CACNB2: variants seen among roughly 807,000 people sequenced by gnomAD.
CACNB2 encodes the protein calcium voltage-gated channel auxiliary subunit beta 2.
Under a neutral mutation model 73.3 loss-of-function variants are expected in CACNB2, and 42 were observed. That is an observed-to-expected ratio of 0.57 (90% CI 0.45 to 0.74). The LOEUF (loss-of-function observed/expected upper bound fraction) is 0.74. CACNB2 is among the 30% of genes least tolerant of loss of function. CACNB2 has a pLI of 0.00. For missense variants in CACNB2, 940 were observed against 853.0 expected (o/e 1.10, Z -1.27); for synonymous variants, 348 against 310.3 (o/e 1.12, Z -1.28).
intron 5 of CACNB2, 140 bp from the exon 6 acceptor site, chr10:18,506,331 G>A (rs2050488231): frequency 1.5e-6 from 1 of 673,794 alleles, no homozygotes; most frequent in South Asian, 1.6e-5. Context: ...TCTCCACTGG[G>A]AAATATTGTT....
At chr10:18,215,758 T>C (rs16917001) in intron 2 of CACNB2, among the ~76,000 whole-genome samples, 7,633 of 152,162 alleles carry the variant, frequency 0.05, 613 homozygotes, top group African/African-American at 0.17. Context: ...AGCAGACGGA[T>C]CTTTTTAGGA....
At chr10:18,213,030 C>A (rs1023849117) in intron 2 of CACNB2, among the ~76,000 whole-genome samples, 1 of 152,170 alleles carries the variant, frequency 6.6e-6, no homozygotes, top group East Asian at 1.9e-4. Context: ...AATAGAGGAT[C>A]CCATCTCTAC....
chr10:18,331,893 C>T (rs1349887709), intron 2 of CACNB2, among the ~76,000 whole-genome samples: 6 of 152,084 alleles, frequency 3.9e-5, no homozygotes, highest in Non-Finnish European at 5.9e-5. Context: ...GGCAGCCATG[C>T]AGGAGTTGAT....
chr10:18,524,838 A>C (rs987074953), intron 9 of CACNB2, among the ~76,000 whole-genome samples: 1 of 150,180 alleles, frequency 6.7e-6, no homozygotes. Flanking sequence ...CAGCCTGGGC[A>C]ACATAATGAG....
chr10:18,150,953 C>A lies in CACNB2; in HGVS notation c.191C>A (p.Thr64Asn). ...GSDGSTSSDT[T>N]SNSFVRQGSA... ...GATGGAAGCACGTCATCTGATACTACCTCAAATAGTTTTGTTCGCCAGGTA... is the reference window on the plus strand; with the variant it reads ...GATGGAAGCACGTCATCTGATACTAACTCAAATAGTTTTGTTCGCCAGGTA... The change falls in exon 2 of 14, where the codon ACC becomes AAC. Residue 64 changes from threonine to asparagine, a missense_variant. By Grantham distance (65) the Thr-to-Asn change is moderately conservative. Transcript: ENST00000324631. The A allele has an allele frequency of 6.4e-7, 1 of 1,557,700 alleles. No individual in the cohort carries two copies. Among genetic ancestry groups the A allele is most frequent in the Non-Finnish European group, 8.7e-7 (1 of 1,147,726 alleles).
At chr10:18,508,428 G>A (rs1190123053) in intron 6 of CACNB2, among the ~76,000 whole-genome samples, 1 of 152,062 alleles carries the variant, frequency 6.6e-6, no homozygotes, top group African/African-American at 2.4e-5. Context: ...GAAGTTGCAG[G>A]GATTCCTATA....
chr10:18,222,726 C>A (rs1272092771), intron 2 of CACNB2, among the ~76,000 whole-genome samples: 2 of 152,146 alleles, frequency 1.3e-5, no homozygotes, highest in African/African-American at 4.8e-5. Flanking sequence ...CGTCTGAGTT[C>A]AGGAGTTCAA....
At chr10:18,477,115 C>A (rs1008720506) in intron 3 of CACNB2, among the ~76,000 whole-genome samples, 1 of 151,898 alleles carries the variant, frequency 6.6e-6, no homozygotes, top group Admixed American at 6.6e-5. Flanking sequence ...GTTATTTGAG[C>A]GTGGAAAGTT....
intron 3 of CACNB2, among the ~76,000 whole-genome samples, chr10:18,497,130 T>G (rs996453199): frequency 8.7e-5 from 13 of 149,240 alleles, no homozygotes; most frequent in African/African-American, 3.2e-4. Context: ...GAGAATCAAT[T>G]GAACTCCAGA....
intron 2 of CACNB2, among the ~76,000 whole-genome samples, chr10:18,192,809 T>A (rs992671532): frequency 6.6e-6 from 1 of 152,250 alleles, no homozygotes; most frequent in African/African-American, 2.4e-5. Flanking sequence ...ATTGCAGCCA[T>A]ACTTCATTCT....
chr10:18,406,216 G>A (rs1287523825), intron 3 of CACNB2, among the ~76,000 whole-genome samples: 1 of 152,204 alleles, frequency 6.6e-6, no homozygotes. Context: ...GAATACAATA[G>A]GTTGTGGGGA....
chr10:18,321,731 C>T (rs1013895130), intron 2 of CACNB2, among the ~76,000 whole-genome samples: 1 of 152,240 alleles, frequency 6.6e-6, no homozygotes, highest in East Asian at 1.9e-4. Context: ...TTAATCACCT[C>T]ACTAGTGTGG....
intron 2 of CACNB2, among the ~76,000 whole-genome samples, chr10:18,302,181 A>G (rs530070862): frequency 8.4e-4 from 128 of 152,276 alleles, no homozygotes; most frequent in African/African-American, 2.7e-3. Context: ...TTTAGCAGTC[A>G]AAGTTGTAGA....
chr10:18,399,935 A>G (rs562547462), intron 2 of CACNB2, among the ~76,000 whole-genome samples: 24 of 152,300 alleles, frequency 1.6e-4, no homozygotes, highest in African/African-American at 5.1e-4. Flanking sequence ...TTGGGACTCA[A>G]TTATTCTGTG....
intron 2 of CACNB2, among the ~76,000 whole-genome samples, chr10:18,175,581 C>T (rs1050673686): frequency 4.6e-5 from 7 of 152,054 alleles, no homozygotes; most frequent in East Asian, 1.9e-4. Context: ...TCCAGTCTTC[C>T]GGCTTCTTGA....
rs146963554 is a variant in CACNB2 at position 18,334,519 on chromosome 10, A to G, written c.214-67405A>G. Among the ~76,000 whole-genome samples, 386 of 152,268 alleles carry G rather than the reference A, an allele frequency of 2.5e-3. 1 individual carries two copies. Among genetic ancestry groups the G allele is most frequent in the African/African-American group, 8.9e-3 (368 of 41,548 alleles). On this transcript the variant is annotated intron_variant, in intron 2 of 13. Transcript: ENST00000324631. ...TAGGTTATACTTGAAAGCACTTCACATTGACAGCTTTGACATAAAGGGCAC... is the reference window on the plus strand; with the variant it reads ...TAGGTTATACTTGAAAGCACTTCACGTTGACAGCTTTGACATAAAGGGCAC...
At chr10:18,525,633 G>A (rs1008110869) in intron 9 of CACNB2, among the ~76,000 whole-genome samples, 19 of 152,020 alleles carry the variant, frequency 1.2e-4, no homozygotes, top group African/African-American at 3.9e-4. Flanking sequence ...ATTTCAACCC[G>A]TGTGCCGGAC....
At chr10:18,194,252 C>T (rs2034531040) in intron 2 of CACNB2, among the ~76,000 whole-genome samples, 1 of 152,136 alleles carries the variant, frequency 6.6e-6, no homozygotes, top group Admixed American at 6.5e-5. Flanking sequence ...GATGTCTTTG[C>T]AGTTGCAACT....
Position 18,380,452 on chromosome 10 carries a change from C to CTT in CACNB2, c.214-21453_214-21452dup, listed in dbSNP as rs757792853. 6.1e-3 allele frequency among the ~76,000 whole-genome samples: 681 copies of CTT among 110,984 alleles called. 12 individuals are homozygous for CTT. The highest frequency in any genetic ancestry group is 0.011 in the Middle Eastern group (2 of 190). The allele number at this position is 110,984 out of a possible 152,430, so 72.8% of individuals were successfully genotyped here. A position where few individuals can be genotyped will look rare whatever the true frequency, so the allele number is the denominator to read the frequency against. On this transcript the variant is annotated intron_variant, in intron 2 of 13. Transcript: ENST00000324631. ...TTGCTAACTTGAAACATGTGTTTTT[C>CTT]TTTTTTTTTTTTTTTTTTTTGAGAT...
Sources: gnomAD v4.1 joint callset for allele counts (sites outside exome capture counted in the v4.1 genomes callset) on GRCh38, gnomAD v4.1.1 for gene constraint, MANE v1.5 for transcripts, NCBI Gene and HGNC (gene_info 2026-07-23, HGNC 2026-07-21) for gene names.